PRDM5: variants seen among roughly 807,000 people sequenced by gnomAD.
The protein encoded by PRDM5 is PR domain zinc finger protein 5.
A neutral mutation model predicts 81.2 loss-of-function variants in PRDM5; 56 were observed. That is an observed-to-expected ratio of 0.69 (90% CI 0.56 to 0.86). PRDM5 has a LOEUF of 0.86. Ranked by LOEUF, PRDM5 falls within the 40% of genes least tolerant of loss-of-function variation. PRDM5 has a pLI of 0.00. For synonymous variants in PRDM5, 267 were observed against 256.4 expected (o/e 1.04, Z -0.39); for missense variants, 697 against 770.1 (o/e 0.91, Z 1.12).
At chr4:120,721,298 C>A (rs1346914018) in intron 14 of PRDM5, among the ~76,000 whole-genome samples, 2 of 152,130 alleles carry the variant, frequency 1.3e-5, no homozygotes, top group Non-Finnish European at 2.9e-5. Context: ...CACATTTAAA[C>A]CACCTAGGGA....
At chr4:120,735,532 TA>T (rs374608342) in intron 14 of PRDM5, among the ~76,000 whole-genome samples, 290 of 148,506 alleles carry the variant, frequency 2.0e-3, no homozygotes, top group Non-Finnish European at 3.3e-3. Context: ...TACTGGGGCA[TA>T]AAAAAAAAAG....
chr4:120,851,605 C>G (rs991987170), intron 3 of PRDM5, among the ~76,000 whole-genome samples: 11 of 152,000 alleles, frequency 7.2e-5, no homozygotes, highest in African/African-American at 2.7e-4. Context: ...TAAGAGTCAT[C>G]TCTCATGTAT....
rs903997433 is a variant in PRDM5 at position 120,754,777 on chromosome 4, G to A, written c.1538-139C>T. The stretch of plus-strand genomic sequence containing the variant: ...CAAGAAGTGGCTCCAGGCACAGCAG[G>A]GCAGATCCAAGCATGGGTCGTGCAG... On this transcript the variant is annotated intron_variant, in intron 13 of 15. Transcript: ENST00000264808. 4.2e-6 allele frequency: 3 copies of A among 706,656 alleles called. No homozygotes were observed. In the African/African-American group the frequency reaches 5.2e-5, roughly 12 times the overall value. The allele number at this position is 706,656 out of a possible 1,614,324, so 43.8% of individuals were successfully genotyped here.
Position 120,710,372 on chromosome 4 carries a change from G to A in PRDM5, c.1665C>T (p.Ser555=), listed in dbSNP as rs1196230087. 3 of 1,614,012 alleles carry A rather than the reference G, an allele frequency of 1.9e-6. No individual in the cohort carries two copies. Among genetic ancestry groups the A allele is most frequent in the Non-Finnish European group, 2.5e-6 (3 of 1,180,012 alleles). Residue 555 remains serine (S), a synonymous_variant, in exon 15 of 16, where the codon AGC becomes AGT. Coordinates refer to ENST00000264808, the MANE Select transcript of PRDM5 (RefSeq NM_018699.4). ...YKCSECSKAF[S]QKRGLDEHKR... Reference sequence around the variant, plus strand: ...TGTGCTCATCCAGGCCTCGCTTCTGGCTGAAGGCCTTGCTGCACTCTGAGC... The same window carrying A: ...TGTGCTCATCCAGGCCTCGCTTCTGACTGAAGGCCTTGCTGCACTCTGAGC...
chr4:120,701,303 C>G (rs372312063), intron 15 of PRDM5, among the ~76,000 whole-genome samples: 2 of 151,974 alleles, frequency 1.3e-5, no homozygotes, highest in African/African-American at 4.8e-5. Context: ...AACTACCATT[C>G]GATCTAGTAA....
chr4:120,733,535 C>T lies in PRDM5; in HGVS notation c.1623+21018G>A, dbSNP rs565299339. Among the ~76,000 whole-genome samples the T allele has an allele frequency of 8.5e-5, 13 of 152,324 alleles. No individual in the cohort carries two copies. In the South Asian group the frequency reaches 2.7e-3, roughly 32 times the overall value. On this transcript the variant is annotated intron_variant, in intron 14 of 15. Coordinates refer to ENST00000264808, the MANE Select transcript of PRDM5 (RefSeq NM_018699.4). ...ACTTCCTCAGTGGACCCTACCTGGT[C>T]TCCCTGGGGCAGAGCCAGATGCTTT... is the stretch of plus-strand genomic sequence containing the variant.
chr4:120,759,368 C>T (rs990596964), intron 13 of PRDM5, among the ~76,000 whole-genome samples: 1 of 152,136 alleles, frequency 6.6e-6, no homozygotes, highest in Non-Finnish European at 1.5e-5. Flanking sequence ...AATTTCTACC[C>T]TCTTGGTTGG....
intron 14 of PRDM5, among the ~76,000 whole-genome samples, chr4:120,719,872 T>C (rs1254353970): frequency 6.6e-6 from 1 of 152,198 alleles, no homozygotes; most frequent in Non-Finnish European, 1.5e-5. Flanking sequence ...ATCGCCATTA[T>C]CCTTCTGCAT....
intron 14 of PRDM5, among the ~76,000 whole-genome samples, chr4:120,752,404 A>G (rs60937110): frequency 0.035 from 5,345 of 152,216 alleles, 311 homozygotes; most frequent in African/African-American, 0.12. Context: ...ATTGTGGGGG[A>G]TCCTGCCTAA....
chr4:120,799,854 C>T, intron 8 of PRDM5, 109 bp from the exon 9 acceptor site: 4 of 1,506,642 alleles, frequency 2.7e-6, no homozygotes, highest in Non-Finnish European at 3.6e-6. Context: ...AATACCCAAA[C>T]TATATATTAC....
At chr4:120,922,192 T>C (rs1725029250) in intron 1 of PRDM5, among the ~76,000 whole-genome samples, 1 of 152,098 alleles carries the variant, frequency 6.6e-6, no homozygotes, top group Non-Finnish European at 1.5e-5. Context: ...AGAGGGAGGC[T>C]CCCGCCGCGC....
intron 15 of PRDM5, among the ~76,000 whole-genome samples, chr4:120,701,883 C>T (rs13143036): frequency 0.16 from 24,113 of 152,104 alleles, 2,442 homozygotes; most frequent in Non-Finnish European, 0.24. Flanking sequence ...CAATGGATGT[C>T]ATGTATGCCT....
intron 2 of PRDM5, among the ~76,000 whole-genome samples, chr4:120,901,365 G>A (rs917608414): frequency 6.6e-6 from 1 of 152,158 alleles, no homozygotes; most frequent in African/African-American, 2.4e-5. Flanking sequence ...TTTTCTAGTA[G>A]GTTGTAATGA....
intron 10 of PRDM5, among the ~76,000 whole-genome samples, chr4:120,788,276 A>G (rs1750054458): frequency 6.6e-6 from 1 of 152,196 alleles, no homozygotes; most frequent in African/African-American, 2.4e-5. Context: ...AGATATGAAA[A>G]GTCATGCATA....
chr4:120,686,981 A>C (rs1203021612), downstream of PRDM5, among the ~76,000 whole-genome samples: 1 of 152,076 alleles, frequency 6.6e-6, no homozygotes, highest in Non-Finnish European at 1.5e-5. Context: ...CTCCAGTAAG[A>C]AGAGAGACAA....
intron 3 of PRDM5, among the ~76,000 whole-genome samples, chr4:120,827,936 T>C (rs1308894790): frequency 1.3e-5 from 2 of 152,276 alleles, no homozygotes; most frequent in East Asian, 3.9e-4. Flanking sequence ...GACTGGACTC[T>C]ACTGCTAATT....
chr4:120,913,314 A>G (rs1410438273), intron 1 of PRDM5, among the ~76,000 whole-genome samples: 2 of 152,200 alleles, frequency 1.3e-5, no homozygotes, highest in Non-Finnish European at 2.9e-5. Context: ...AGAGAATTGC[A>G]AAGACTTCTG....
chr4:120,848,792 G>A (rs1262062275), intron 3 of PRDM5, among the ~76,000 whole-genome samples: 1 of 152,074 alleles, frequency 6.6e-6, no homozygotes, highest in East Asian at 1.9e-4. Flanking sequence ...AGTAGAGCAG[G>A]TATTTAAAAA....
At chr4:120,800,629 T>C (rs1207597872) in intron 8 of PRDM5, among the ~76,000 whole-genome samples, 1 of 152,128 alleles carries the variant, frequency 6.6e-6, no homozygotes, top group Non-Finnish European at 1.5e-5. Context: ...TCTAAAGATC[T>C]AATGTATAAC....
Sources: gnomAD v4.1 joint callset for allele counts (sites outside exome capture counted in the v4.1 genomes callset) on GRCh38, gnomAD v4.1.1 for gene constraint, MANE v1.5 for transcripts, NCBI Gene and HGNC (gene_info 2026-07-23, HGNC 2026-07-21) for gene names.